Variants in COX7B2 observed in about 807,000 individuals in gnomAD.
The protein encoded by COX7B2 is cytochrome c oxidase subunit 7B2, mitochondrial.
For missense variants in COX7B2, 109 were observed against 95.9 expected (o/e 1.14, Z -0.57); for synonymous variants, 37 against 32.1 (o/e 1.15, Z -0.51).
chr4:46,863,671 T>A (rs1277650715), intron 1 of COX7B2, among the ~76,000 whole-genome samples: 2 of 152,210 alleles, frequency 1.3e-5, no homozygotes, highest in African/African-American at 4.8e-5. Flanking sequence ...TGAGAAGGCC[T>A]AATACGATAA....
chr4:46,835,710 T>G (rs1179689452), intron 2 of COX7B2, among the ~76,000 whole-genome samples: 1 of 152,166 alleles, frequency 6.6e-6, no homozygotes, highest in Non-Finnish European at 1.5e-5. Context: ...ATGTGTACTG[T>G]CTGAAAAAAT....
chr4:46,752,606 T>C (rs1025847357), intron 2 of COX7B2, among the ~76,000 whole-genome samples: 1 of 152,130 alleles, frequency 6.6e-6, no homozygotes, highest in Non-Finnish European at 1.5e-5. Flanking sequence ...AATACCTAAT[T>C]TATTGAGAGT....
intron 1 of COX7B2, among the ~76,000 whole-genome samples, chr4:46,893,319 T>A (rs13135800): frequency 2.0e-5 from 3 of 152,048 alleles, no homozygotes; most frequent in Non-Finnish European, 4.4e-5. Context: ...AGTGGTCTGC[T>A]TTATACCAGC....
At chr4:46,820,832 AAAAT>A (rs1286421579) in intron 2 of COX7B2, among the ~76,000 whole-genome samples, 4 of 141,412 alleles carry the variant, frequency 2.8e-5, no homozygotes, top group South Asian at 2.2e-4. Context: ...AAAAAAAAAA[AAAAT>A]ATATATATAT....
intron 2 of COX7B2, among the ~76,000 whole-genome samples, chr4:46,749,107 A>G (rs930665666): frequency 6.6e-6 from 1 of 152,212 alleles, no homozygotes; most frequent in East Asian, 1.9e-4. Flanking sequence ...TTTTGTTTCT[A>G]TATCTAAAGT....
At chr4:46,787,228 A>G (rs188617550) in intron 2 of COX7B2, among the ~76,000 whole-genome samples, 133 of 152,260 alleles carry the variant, frequency 8.7e-4, no homozygotes, top group Non-Finnish European at 1.7e-3. Context: ...CGGGCAGATC[A>G]CCTAAGGTCG....
chr4:46,801,354 C>T (rs1208813136), intron 2 of COX7B2, among the ~76,000 whole-genome samples: 3 of 152,042 alleles, frequency 2.0e-5, no homozygotes, highest in Non-Finnish European at 4.4e-5. Context: ...CAACGGTGGA[C>T]TACATAAAGA....
intron 2 of COX7B2, among the ~76,000 whole-genome samples, chr4:46,749,360 T>C (rs774364390): frequency 4.6e-5 from 7 of 152,188 alleles, no homozygotes; most frequent in Non-Finnish European, 8.8e-5. Context: ...CTTCATTTCA[T>C]ATGCTTTCTT....
At chr4:46,874,738 T>C (rs1324436443) in intron 1 of COX7B2, among the ~76,000 whole-genome samples, 1 of 152,184 alleles carries the variant, frequency 6.6e-6, no homozygotes, top group African/African-American at 2.4e-5. Flanking sequence ...AAAAAATGTA[T>C]ACTTGGCCAA....
intron 2 of COX7B2, among the ~76,000 whole-genome samples, chr4:46,792,186 T>C (rs1366071260): frequency 6.6e-6 from 1 of 152,248 alleles, no homozygotes; most frequent in East Asian, 1.9e-4. Flanking sequence ...CAAGCAATTC[T>C]ATACTGACTA....
intron 2 of COX7B2, among the ~76,000 whole-genome samples, chr4:46,812,663 A>G (rs1719345555): frequency 6.6e-6 from 1 of 152,104 alleles, no homozygotes; most frequent in Non-Finnish European, 1.5e-5. Context: ...GGCAGCTCAG[A>G]CTGTAGGAGT....
At chr4:46,876,212 T>C (rs1472328250) in intron 1 of COX7B2, among the ~76,000 whole-genome samples, 4 of 152,190 alleles carry the variant, frequency 2.6e-5, no homozygotes, top group African/African-American at 9.6e-5. Context: ...GGATAGATTA[T>C]TGACTGCCTA....
intron 2 of COX7B2, among the ~76,000 whole-genome samples, chr4:46,787,096 T>C (rs887749173): frequency 9.8e-5 from 15 of 152,340 alleles, no homozygotes; most frequent in African/African-American, 3.6e-4. Flanking sequence ...GAAGAACTGA[T>C]AAGGAATTTC....
intron 1 of COX7B2, among the ~76,000 whole-genome samples, chr4:46,901,649 C>G (rs146225846): frequency 6.6e-6 from 1 of 152,298 alleles, no homozygotes; most frequent in African/African-American, 2.4e-5. Context: ...AATCAGTAAA[C>G]TGAGTAAAGC....
chr4:46,822,568 G>T (rs1028084225), intron 2 of COX7B2, among the ~76,000 whole-genome samples: 28 of 152,002 alleles, frequency 1.8e-4, no homozygotes, highest in African/African-American at 6.7e-4. Context: ...AACTGGCAAA[G>T]AAACAGAAAA....
intron 2 of COX7B2, among the ~76,000 whole-genome samples, chr4:46,800,511 C>A (rs1718601316): frequency 6.6e-6 from 1 of 152,018 alleles, no homozygotes; most frequent in Non-Finnish European, 1.5e-5. Context: ...AGAAAGGGCA[C>A]CCTATTCGAT....
At chr4:46,856,200 A>G (rs1717002270) in intron 1 of COX7B2, among the ~76,000 whole-genome samples, 1 of 152,008 alleles carries the variant, frequency 6.6e-6, no homozygotes, top group Non-Finnish European at 1.5e-5. Flanking sequence ...GCCAAGATCA[A>G]TGCACTCCAG....
chr4:46,776,143 G>T (rs1019128177), intron 2 of COX7B2, among the ~76,000 whole-genome samples: 1 of 151,904 alleles, frequency 6.6e-6, no homozygotes, highest in Non-Finnish European at 1.5e-5. Flanking sequence ...TATGAGTATG[G>T]GGCAGTGGAG....
intron 2 of COX7B2, among the ~76,000 whole-genome samples, chr4:46,796,071 A>AAAATCAAAACCACTAT (rs1718318271): frequency 2.1e-5 from 2 of 96,472 alleles, no homozygotes; most frequent in Admixed American, 1.2e-4. Context: ...ACTTTGCTGA[A>AAAATCAAAACCACTAT]GTTGCTTATC....
Sources: allele counts gnomAD v4.1 joint callset (sites outside exome capture counted in the v4.1 genomes callset), GRCh38; gene constraint gnomAD v4.1.1; transcripts MANE v1.5; gene names NCBI Gene and HGNC (gene_info 2026-07-23, HGNC 2026-07-21).